Variants in TBCD observed in about 807,000 individuals in gnomAD.
TBCD encodes the protein tubulin folding cofactor D, also known as tubulin-specific chaperone D.
TBCD carries 105 observed loss-of-function variants against 169.3 expected under a neutral mutation model. The observed-to-expected ratio is 0.62, with a 90% confidence interval of 0.53 to 0.73. The LOEUF (loss-of-function observed/expected upper bound fraction) is 0.73, where lower values mean the gene tolerates loss of function less well. Ranked by LOEUF, TBCD falls within the 30% of genes least tolerant of loss-of-function variation. The probability of loss-of-function intolerance (pLI) is 0.00; values close to 1 mark genes in which losing one functional copy is unlikely to be tolerated. For synonymous variants in TBCD, 700 were observed against 643.9 expected (o/e 1.09, Z -1.32); for missense variants, 1,444 against 1,600.1 (o/e 0.90, Z 1.66).
At chr17:82,896,453 GTTTTTTTTTTT>G (rs1014108505) in intron 17 of TBCD, among the ~76,000 whole-genome samples, 8 of 91,426 alleles carry the variant, frequency 8.8e-5, no homozygotes, top group African/African-American at 2.2e-4. Context: ...TGTGCTGTCA[GTTTTTTTTTTT>G]TTTTTTTTTT....
chr17:82,753,989 G>C (rs1009729566), intron 1 of TBCD, among the ~76,000 whole-genome samples: 1 of 150,130 alleles, frequency 6.7e-6, no homozygotes, highest in African/African-American at 2.5e-5. Context: ...TGATTCTCCT[G>C]CCTCAGCCTC....
intron 13 of TBCD, among the ~76,000 whole-genome samples, chr17:82,854,973 C>T (rs7223204): frequency 0.043 from 6,477 of 152,268 alleles, 271 homozygotes; most frequent in African/African-American, 0.11. Context: ...CTCCTAACAC[C>T]GTGCTCTTGG....
intron 7 of TBCD, chr17:82,796,122 C>T (rs970807048): frequency 8.5e-5 from 13 of 152,362 alleles, no homozygotes; most frequent in African/African-American, 2.9e-4. Context: ...TCCGGCTTCT[C>T]GTTGCACACT....
chr17:82,760,999 A>G (rs1173332470), intron 2 of TBCD, among the ~76,000 whole-genome samples: 1 of 151,134 alleles, frequency 6.6e-6, no homozygotes, highest in Non-Finnish European at 1.5e-5. Context: ...TTGCTCTGTC[A>G]CCCAGGCTGG....
At chr17:82,921,258 T>C (rs917679569) in intron 24 of TBCD, 13 of 555,810 alleles carry the variant, frequency 2.3e-5, no homozygotes, top group Non-Finnish European at 2.9e-5. Flanking sequence ...AAATGTGATG[T>C]ATAAAAATTT....
chr17:82,922,624 C>T lies in TBCD; in HGVS notation c.2179-1028C>T, dbSNP rs1352348671. Among the ~76,000 whole-genome samples, 1 of 151,982 alleles carries T rather than the reference C, an allele frequency of 6.6e-6. No homozygotes were observed. The highest frequency in any genetic ancestry group is 1.9e-4 in the East Asian group (1 of 5,182). On this transcript the variant is annotated intron_variant, in intron 25 of 38. Transcript: ENST00000355528. The surrounding 1 kb of genome is among the most constrained non-coding windows in gnomAD (Gnocchi z 4.1). ...TGATCAGTGCCTCAAAATTTTATTT[C>T]AAAAGTCCATGATTAATTCACACTG... is the stretch of plus-strand genomic sequence containing the variant.
chr17:82,801,405 A>G (rs1472177149), intron 9 of TBCD, among the ~76,000 whole-genome samples: 1 of 152,096 alleles, frequency 6.6e-6, no homozygotes, highest in Non-Finnish European at 1.5e-5. Flanking sequence ...AGTTGGAAGA[A>G]CTGCAGCTGG....
intron 1 of TBCD, among the ~76,000 whole-genome samples, chr17:82,752,622 C>G (rs996574192): frequency 6.6e-6 from 1 of 152,148 alleles, no homozygotes; most frequent in Non-Finnish European, 1.5e-5. Flanking sequence ...CGCGGAGCGC[C>G]TGCTCTCGCA....
Position 82,942,761 on chromosome 17 carries a change from G to T in TBCD, c.*298G>T. 2 of 511,910 alleles carry T rather than the reference G, an allele frequency of 3.9e-6. No homozygotes were observed. The highest frequency in any genetic ancestry group is 6.9e-6 in the Non-Finnish European group (2 of 288,764). 31.7% of individuals were successfully genotyped at this position (511,910 alleles called of 1,614,324 possible). A position where few individuals can be genotyped will look rare whatever the true frequency, so the allele number is the denominator to read the frequency against. Reference sequence around the variant, plus strand: ...TGTAGGGGTGATGGAAAGGCTCACTGCCCAGGGGTCAGCCAGAGGGGAGGT... The same window carrying T: ...TGTAGGGGTGATGGAAAGGCTCACTTCCCAGGGGTCAGCCAGAGGGGAGGT... On this transcript the variant is annotated 3_prime_UTR_variant, in exon 39 of 39. Transcript: ENST00000355528.
At chr17:82,817,689 C>T (rs575058417) in intron 13 of TBCD, among the ~76,000 whole-genome samples, 48 of 152,300 alleles carry the variant, frequency 3.2e-4, no homozygotes, top group African/African-American at 8.7e-4. Flanking sequence ...TCCAGTGATC[C>T]TCCTGCCTCA....
chr17:82,905,165 C>T (rs2060151350), intron 19 of TBCD, among the ~76,000 whole-genome samples: 1 of 152,212 alleles, frequency 6.6e-6, no homozygotes, highest in African/African-American at 2.4e-5. Context: ...GGCAGCCCTG[C>T]CTCTGTCCTG....
chr17:82,846,295 G>A (rs2055076934), intron 13 of TBCD, among the ~76,000 whole-genome samples: 1 of 141,882 alleles, frequency 7.0e-6, no homozygotes, highest in African/African-American at 2.5e-5. Context: ...GCCCTCTGCT[G>A]CCCCCTCCAC....
At chr17:82,878,595 T>C (rs1179034105) in intron 14 of TBCD, among the ~76,000 whole-genome samples, 2 of 152,162 alleles carry the variant, frequency 1.3e-5, no homozygotes, top group African/African-American at 4.8e-5. Context: ...CCACAACGGG[T>C]CCTGCGTGGT....
At chr17:82,924,277 C>T (rs1229017700) in intron 26 of TBCD, among the ~76,000 whole-genome samples, 2 of 152,172 alleles carry the variant, frequency 1.3e-5, no homozygotes, top group South Asian at 2.1e-4. Context: ...TTTTTGTATG[C>T]ACCGTGACAT....
chr17:82,797,620 G>C, intron 7 of TBCD, 137 bp from the exon 8 acceptor site: 1 of 672,276 alleles, frequency 1.5e-6, no homozygotes, highest in Non-Finnish European at 2.5e-6. Context: ...TACAGAAACT[G>C]TTTTCTTTAT....
At chr17:82,853,664 C>G (rs370990866) in intron 13 of TBCD, among the ~76,000 whole-genome samples, 1 of 152,068 alleles carries the variant, frequency 6.6e-6, no homozygotes, top group East Asian at 1.9e-4. Context: ...CTTGGCCTCC[C>G]AAAGTATTGC....
chr17:82,817,572 T>C (rs758567548), intron 13 of TBCD, among the ~76,000 whole-genome samples: 1 of 152,174 alleles, frequency 6.6e-6, no homozygotes, highest in Non-Finnish European at 1.5e-5. Flanking sequence ...GCTAGGATTA[T>C]AGGCGTGAGC....
chr17:82,939,300 C>T (rs1290770998), intron 36 of TBCD, 67 bp from the exon 37 acceptor site: 4 of 1,308,074 alleles, frequency 3.1e-6, no homozygotes, highest in Non-Finnish European at 4.3e-6. Flanking sequence ...TGGCCTGGGT[C>T]CTGTCGTCTC....
chr17:82,778,250 T>G (rs1381460271), intron 6 of TBCD, among the ~76,000 whole-genome samples: 1 of 152,124 alleles, frequency 6.6e-6, no homozygotes, highest in Admixed American at 6.5e-5. Context: ...CTTGGTCTCT[T>G]GCCTCGGCAC....
Sources: gnomAD v4.1 joint callset for allele counts (sites outside exome capture counted in the v4.1 genomes callset) on GRCh38, gnomAD v4.1.1 for gene constraint, Gnocchi (gnomAD v3.1) non-coding constraint, MANE v1.5 for transcripts, NCBI Gene and HGNC (gene_info 2026-07-23, HGNC 2026-07-21) for gene names.